Variants in PCDHA13 observed in about 807,000 individuals in gnomAD.
PCDHA13 encodes the protein protocadherin alpha 13.
Under a neutral mutation model 64.8 loss-of-function variants are expected in PCDHA13, and 54 were observed. The ratio of observed to expected loss-of-function variants is 0.83; its 90% CI spans 0.67 to 1.04. The LOEUF (loss-of-function observed/expected upper bound fraction) is 1.04, where lower values mean the gene tolerates loss of function less well. Among genes scored for constraint, PCDHA13 ranks in the 50% least tolerant of loss-of-function variants. The pLI is 0.00. For missense variants in PCDHA13, 1,248 were observed against 1,254.3 expected, an observed-to-expected ratio of 0.99 and a Z score of 0.08; for synonymous variants, 587 against 564.4, an observed-to-expected ratio of 1.04 and a Z score of -0.57.
intron 1 of PCDHA13, among the ~76,000 whole-genome samples, chr5:140,954,516 G>C (rs782233597): frequency 3.3e-5 from 5 of 152,172 alleles, no homozygotes; most frequent in Admixed American, 6.5e-5. Flanking sequence ...TTTACCTAAT[G>C]ATCAGTGATG....
chr5:140,995,544 A>T (rs2097688289), intron 3 of PCDHA13, among the ~76,000 whole-genome samples: 1 of 152,234 alleles, frequency 6.6e-6, no homozygotes, highest in African/African-American at 2.4e-5. Context: ...ATAAGGGGCG[A>T]TCACTGTACT....
At position 140,884,538 on chromosome 5, in the gene PCDHA13, G is replaced by A. The variant is rs781889228; in HGVS notation, c.2270G>A (p.Arg757Lys). 21 of 1,613,994 alleles carry A rather than the reference G, an allele frequency of 1.3e-5. No homozygotes were observed. Among genetic ancestry groups the A allele is most frequent in the Non-Finnish European group, 1.8e-5 (21 of 1,180,004 alleles). Residue 757 changes from arginine to lysine, a missense_variant, in exon 1 of 4, where the codon AGG becomes AAG. Transcript: ENST00000289272. ...SWSYSQQRRP[R>K]VCSGEGPHKT... ...TCGTACTCGCAGCAGAGGCGGCCGA[G>A]GGTGTGCTCTGGGGAGGGCCCGCAT...
chr5:140,927,980 G>A, intron 1 of PCDHA13: 2 of 1,614,220 alleles, frequency 1.2e-6, no homozygotes, highest in Non-Finnish European at 1.7e-6. Flanking sequence ...GCTCTCTTTA[G>A]TGTAAAGGAT....
intron 3 of PCDHA13, among the ~76,000 whole-genome samples, chr5:140,984,356 A>G (rs556586072): frequency 1.3e-5 from 2 of 152,362 alleles, no homozygotes; most frequent in African/African-American, 4.8e-5. Flanking sequence ...GATATTTCAT[A>G]CATCTGGCCA....
At chr5:140,937,326 C>G (rs1287239556) in intron 1 of PCDHA13, among the ~76,000 whole-genome samples, 2 of 152,046 alleles carry the variant, frequency 1.3e-5, no homozygotes, top group Non-Finnish European at 2.9e-5. Flanking sequence ...CGTGAGCCAC[C>G]GCGCCCGGCT....
At chr5:140,897,438 G>A (rs2066109195) in intron 1 of PCDHA13, among the ~76,000 whole-genome samples, 1 of 149,226 alleles carries the variant, frequency 6.7e-6, no homozygotes, top group African/African-American at 2.5e-5. Context: ...AACATGCAGT[G>A]TTTGGTTTTT....
At position 140,966,655 on chromosome 5, in the gene PCDHA13, G is replaced by T. The variant is rs576875582; in HGVS notation, c.2395-12294G>T. The T allele has an allele frequency of 2.6e-5, 31 of 1,195,250 alleles. No homozygotes were observed. In the South Asian group the frequency reaches 4.0e-4, roughly 15 times the overall value. 74.0% of individuals were successfully genotyped at this position (1,195,250 alleles called of 1,614,324 possible). On this transcript the variant is annotated intron_variant, in intron 1 of 3. Coordinates refer to ENST00000289272, the MANE Select transcript of PCDHA13 (RefSeq NM_018904.3). ...AGGCGCTTTCTAGAGCGTGAGCGGT[G>T]GGGGAGCAGGCGCAGGGTGGCACGA...
intron 1 of PCDHA13, among the ~76,000 whole-genome samples, chr5:140,944,948 A>T (rs1425847139): frequency 6.6e-6 from 1 of 152,200 alleles, no homozygotes; most frequent in African/African-American, 2.4e-5. Context: ...ATGATTGTGA[A>T]TAAGAGTATT....
rs78042832 is a variant in PCDHA13, at chr5:140,978,370, A to G, written c.2395-579A>G. Among the ~76,000 whole-genome samples, 198 of 152,318 alleles carry G rather than the reference A, an allele frequency of 1.3e-3. 1 individual carries two copies. The East Asian group carries it at 0.027, about 21-fold the overall frequency. On this transcript the variant is annotated intron_variant, in intron 1 of 3. Transcript: ENST00000289272. ...TAGCAAAACAAGGTCAAACTCTGCA[A>G]TAGTTTGTTTTCCTCTCCCTAGTAT...
At chr5:140,938,476 T>A (rs1393084209) in intron 1 of PCDHA13, among the ~76,000 whole-genome samples, 2 of 152,194 alleles carry the variant, frequency 1.3e-5, no homozygotes, top group African/African-American at 2.4e-5. Context: ...TTATGTTTTT[T>A]AAAAATCATG....
rs73793533 is a variant in PCDHA13 at position 140,949,932 on chromosome 5, T to A, written c.2395-29017T>A. On this transcript the variant is annotated intron_variant, in intron 1 of 3. Transcript: ENST00000289272. Reference sequence around the variant, plus strand: ...GATATAACTATTTTTAGATTTTTTTTAATTTGCATTTTTTAGTGGTTGCTG... The same window carrying A: ...GATATAACTATTTTTAGATTTTTTTAAATTTGCATTTTTTAGTGGTTGCTG... Among the ~76,000 whole-genome samples, 1,356 of 151,758 alleles carry A rather than the reference T, an allele frequency of 8.9e-3. 15 individuals carry two copies. The highest frequency in any genetic ancestry group is 0.032 in the African/African-American group (1,309 of 41,514).
Position 140,924,886 on chromosome 5 carries a change from A to C in PCDHA13, c.2394+40224A>C, listed in dbSNP as rs190850675. ...CTCCAGCCTGGGTGACAGAGCAAGAACCTGTCTCAAAAAAAAAAATAAAAT... is the reference window on the plus strand; with the variant it reads ...CTCCAGCCTGGGTGACAGAGCAAGACCCTGTCTCAAAAAAAAAAATAAAAT... On this transcript the variant is annotated intron_variant, in intron 1 of 3. Transcript: ENST00000289272. Among the ~76,000 whole-genome samples, 1,191 of 137,252 alleles carry C rather than the reference A, an allele frequency of 8.7e-3. 7 individuals carry two copies. Among genetic ancestry groups the C allele is most frequent in the African/African-American group, 0.022 (767 of 35,510 alleles). The allele number at this position is 137,252 out of a possible 152,430, so 90.0% of individuals were successfully genotyped here.
At chr5:140,959,583 A>G (rs529440681) in intron 1 of PCDHA13, among the ~76,000 whole-genome samples, 10 of 152,332 alleles carry the variant, frequency 6.6e-5, no homozygotes, top group Admixed American at 1.3e-4. Flanking sequence ...TTTCAATTCT[A>G]TCAGCCAAGT....
rs2096251750 is a variant in PCDHA13 at position 140,968,509 on chromosome 5, C to T, written c.2395-10440C>T. 3 of 1,614,162 alleles carry T rather than the reference C, an allele frequency of 1.9e-6. No individual in the cohort carries two copies. In the South Asian group the frequency reaches 3.3e-5, roughly 18 times the overall value. On this transcript the variant is annotated intron_variant, in intron 1 of 3. Coordinates refer to ENST00000289272, the MANE Select transcript of PCDHA13 (RefSeq NM_018904.3). Reference sequence around the variant, plus strand: ...ATGACCATGCCCCTCACATTCTGTACCCTACCTCAACCAACTCGTCAGCAG... The same window carrying T: ...ATGACCATGCCCCTCACATTCTGTATCCTACCTCAACCAACTCGTCAGCAG...
At chr5:140,927,403 C>T (rs1276847771) in intron 1 of PCDHA13, 1 of 1,614,146 alleles carries the variant, frequency 6.2e-7, no homozygotes, top group Non-Finnish European at 8.5e-7. Context: ...GCACTTTCGC[C>T]TGGACATGGG....
intron 1 of PCDHA13, among the ~76,000 whole-genome samples, chr5:140,941,263 T>TTC (rs2092992439): frequency 7.5e-6 from 1 of 133,334 alleles, no homozygotes; most frequent in Non-Finnish European, 1.6e-5. Flanking sequence ...TTCTCTTTCT[T>TTC]TCTTTCTTTC....
At chr5:140,973,400 A>G (rs2096585870) in intron 1 of PCDHA13, among the ~76,000 whole-genome samples, 1 of 152,244 alleles carries the variant, frequency 6.6e-6, no homozygotes, top group Non-Finnish European at 1.5e-5. Flanking sequence ...AATCATATCT[A>G]TGAGCTTCCA....
intron 3 of PCDHA13, among the ~76,000 whole-genome samples, chr5:141,002,755 T>A (rs894161079): frequency 1.3e-5 from 2 of 152,174 alleles, no homozygotes; most frequent in Non-Finnish European, 2.9e-5. Context: ...GACAACCCTG[T>A]GATGTAGACA....
intron 1 of PCDHA13, among the ~76,000 whole-genome samples, chr5:140,904,088 TA>T (rs1486110849): frequency 9.8e-5 from 15 of 152,340 alleles, no homozygotes; most frequent in Admixed American, 2.6e-4. Flanking sequence ...GTTACATGAA[TA>T]ACTACTTTAG....
Sources: allele counts gnomAD v4.1 joint callset (sites outside exome capture counted in the v4.1 genomes callset), GRCh38; gene constraint gnomAD v4.1.1; transcripts MANE v1.5; gene names NCBI Gene and HGNC (gene_info 2026-07-23, HGNC 2026-07-21).